Variants in HSPA12A observed in about 807,000 individuals in gnomAD.
HSPA12A encodes the protein heat shock 70 kDa protein 12A.
A neutral mutation model predicts 69.2 loss-of-function variants in HSPA12A; 28 were observed. The ratio of observed to expected loss-of-function variants is 0.40; its 90% CI spans 0.30 to 0.55. HSPA12A has a LOEUF of 0.55. Ranked by LOEUF, HSPA12A falls within the 20% of genes least tolerant of loss-of-function variation. The pLI, the probability that HSPA12A is intolerant of heterozygous loss-of-function variation, is 0.38. For missense variants in HSPA12A, 686 were observed against 900.7 expected (o/e 0.76, Z 3.05); for synonymous variants, 345 against 370.5 (o/e 0.93, Z 0.79).
At chr10:116,808,467 A>G (rs1011518508) in intron 2 of HSPA12A, among the ~76,000 whole-genome samples, 2 of 152,112 alleles carry the variant, frequency 1.3e-5, no homozygotes, top group Non-Finnish European at 2.9e-5. Context: ...GCGTCTGTGG[A>G]TTAACATGGT....
intron 7 of HSPA12A, among the ~76,000 whole-genome samples, chr10:116,683,023 C>A (rs1264231736): frequency 2.0e-5 from 3 of 151,856 alleles, no homozygotes; most frequent in African/African-American, 7.3e-5. Flanking sequence ...TTTCTTGCAG[C>A]CTGAAATTAA....
chr10:116,771,644 T>A (rs933001146), intron 2 of HSPA12A, among the ~76,000 whole-genome samples: 3 of 152,218 alleles, frequency 2.0e-5, no homozygotes, highest in Non-Finnish European at 4.4e-5. Context: ...AATCCCTGCC[T>A]GCCAGCATGT....
intron 2 of HSPA12A, among the ~76,000 whole-genome samples, chr10:116,767,495 T>G (rs1481104937): frequency 1.3e-5 from 2 of 152,122 alleles, no homozygotes; most frequent in African/African-American, 4.8e-5. Context: ...CAACATTATC[T>G]CCCGGCCCCT....
intron 3 of HSPA12A, among the ~76,000 whole-genome samples, chr10:116,703,336 T>C (rs1589643847): frequency 6.6e-6 from 1 of 152,188 alleles, no homozygotes; most frequent in Non-Finnish European, 1.5e-5. Flanking sequence ...ACTTTTATTA[T>C]GACTTGTGCT....
intron 2 of HSPA12A, among the ~76,000 whole-genome samples, chr10:116,767,069 T>C (rs576668604): frequency 4.4e-4 from 67 of 151,532 alleles, no homozygotes; most frequent in Non-Finnish European, 8.2e-4. Context: ...GGGTGGGGAG[T>C]GGAGGGCTGC....
intron 2 of HSPA12A, among the ~76,000 whole-genome samples, chr10:116,773,409 A>G (rs1554890709): frequency 6.6e-6 from 1 of 152,254 alleles, no homozygotes; most frequent in Non-Finnish European, 1.5e-5. Context: ...TAGCGGGCAG[A>G]CAGGACAGGA....
At chr10:116,699,657 G>T (rs1850022722) in intron 4 of HSPA12A, among the ~76,000 whole-genome samples, 2 of 152,150 alleles carry the variant, frequency 1.3e-5, no homozygotes, top group Non-Finnish European at 2.9e-5. Flanking sequence ...GCTGCCTTCT[G>T]CTCCTGGTGC....
chr10:116,847,652 G>A (rs1845916319), intron 1 of HSPA12A, among the ~76,000 whole-genome samples: 1 of 152,136 alleles, frequency 6.6e-6, no homozygotes, highest in Non-Finnish European at 1.5e-5. Context: ...TTTATTATGT[G>A]TAAAACCCAT....
intron 1 of HSPA12A, among the ~76,000 whole-genome samples, chr10:116,739,013 C>T (rs1851397473): frequency 6.6e-6 from 1 of 152,222 alleles, no homozygotes. Flanking sequence ...TGCTTACTTC[C>T]TTTGGGGGCT....
chr10:116,769,096 C>G (rs1844142038), intron 2 of HSPA12A, among the ~76,000 whole-genome samples: 1 of 152,186 alleles, frequency 6.6e-6, no homozygotes, highest in African/African-American at 2.4e-5. Context: ...TCGGACCATT[C>G]AATACCTCTG....
intron 2 of HSPA12A, chr10:116,830,068 A>C (rs1845584807): frequency 6.6e-6 from 1 of 152,246 alleles, no homozygotes; most frequent in Non-Finnish European, 1.5e-5. Flanking sequence ...GAATCACACA[A>C]GAACAAAGTA....
intron 2 of HSPA12A, among the ~76,000 whole-genome samples, chr10:116,753,393 T>A (rs997813560): frequency 5.9e-5 from 9 of 152,238 alleles, no homozygotes; most frequent in African/African-American, 2.2e-4. Flanking sequence ...AGTGGTGAGA[T>A]AACACCCAGC....
intron 2 of HSPA12A, among the ~76,000 whole-genome samples, chr10:116,833,884 T>A (rs566719349): frequency 6.6e-6 from 1 of 152,222 alleles, no homozygotes; most frequent in Non-Finnish European, 1.5e-5. Context: ...TTTCCTACTC[T>A]CTGCTTTTTA....
chr10:116,716,705 C>G (rs1420289819), intron 1 of HSPA12A, among the ~76,000 whole-genome samples: 1 of 152,164 alleles, frequency 6.6e-6, no homozygotes, highest in African/African-American at 2.4e-5. Flanking sequence ...AACAAAACAG[C>G]TCCTGAGGAG....
At chr10:116,809,489 GCT>G (rs1265578841) in intron 2 of HSPA12A, among the ~76,000 whole-genome samples, 1 of 152,210 alleles carries the variant, frequency 6.6e-6, no homozygotes, top group Non-Finnish European at 1.5e-5. Context: ...TAGCATTTGT[GCT>G]CTCTGTGCAA....
chr10:116,683,517 G>A (rs534463490), intron 7 of HSPA12A: 124 of 319,762 alleles, frequency 3.9e-4, no homozygotes, highest in African/African-American at 2.2e-3. Flanking sequence ...GCCAATAACC[G>A]CTCTCAGGCT....
At chr10:116,781,443 C>G (rs1405548229) in intron 2 of HSPA12A, among the ~76,000 whole-genome samples, 1 of 152,146 alleles carries the variant, frequency 6.6e-6, no homozygotes, top group Non-Finnish European at 1.5e-5. Flanking sequence ...TCCTCTGGCT[C>G]TCTAGTTTAC....
intron 2 of HSPA12A, among the ~76,000 whole-genome samples, chr10:116,788,001 G>A (rs932537755): frequency 2.0e-5 from 3 of 152,182 alleles, no homozygotes; most frequent in African/African-American, 7.2e-5. Flanking sequence ...CAGGACGGCA[G>A]GGCGGGAGCT....
intron 1 of HSPA12A, among the ~76,000 whole-genome samples, chr10:116,730,479 T>G (rs895774333): frequency 6.6e-6 from 1 of 152,218 alleles, no homozygotes; most frequent in African/African-American, 2.4e-5. Flanking sequence ...AGTGCTATTT[T>G]ATACTTAACT....
Sources: allele counts gnomAD v4.1 joint callset (sites outside exome capture counted in the v4.1 genomes callset), GRCh38; gene constraint gnomAD v4.1.1; transcripts MANE v1.5; gene names NCBI Gene and HGNC (gene_info 2026-07-23, HGNC 2026-07-21).